The following MAPK4 variants were observed in gnomAD, a reference collection of about 807,000 sequenced individuals.
MAPK4 encodes the protein mitogen-activated protein kinase 4.
In MAPK4, 22 loss-of-function variants were observed where a neutral mutation model predicts 47.7. That is an observed-to-expected ratio of 0.46 (90% CI 0.33 to 0.66). The LOEUF is 0.66. Ranked by LOEUF, MAPK4 falls within the 30% of genes least tolerant of loss-of-function variation. The pLI is 0.02. For synonymous variants in MAPK4, 390 were observed against 365.7 expected (o/e 1.07, Z -0.76); for missense variants, 736 against 831.7 (o/e 0.88, Z 1.42).
chr18:50,564,054 T>G (rs1355305510), intron 1 of MAPK4, among the ~76,000 whole-genome samples: 1 of 152,132 alleles, frequency 6.6e-6, no homozygotes, highest in Non-Finnish European at 1.5e-5. Flanking sequence ...CCCCCTCACA[T>G]AGCCAGTCTT....
chr18:50,672,713 A>C (rs1397926899), intron 2 of MAPK4, among the ~76,000 whole-genome samples: 1 of 152,146 alleles, frequency 6.6e-6, no homozygotes, highest in Non-Finnish European at 1.5e-5. Context: ...ATCAGAAAGG[A>C]AGCCAGCCAG....
intron 1 of MAPK4, among the ~76,000 whole-genome samples, chr18:50,592,746 T>C (rs2042448592): frequency 6.6e-6 from 1 of 152,214 alleles, no homozygotes; most frequent in South Asian, 2.1e-4. Flanking sequence ...TTTAAAGAAG[T>C]TGACTTAGAA....
rs940199786 is a variant in MAPK4 at position 50,614,919 on chromosome 18, T to C, written c.-870-48170T>C. 4.6e-5 allele frequency among the ~76,000 whole-genome samples: 7 copies of C among 152,004 alleles called. No homozygotes were observed. The East Asian group carries it at 5.8e-4, about 13-fold the overall frequency. ...ACATTGCTGGTCTCTGAGGGAGGAGTTGTTGAGTCAATACTTAAGGGCTGG... is the reference window on the plus strand; with the variant it reads ...ACATTGCTGGTCTCTGAGGGAGGAGCTGTTGAGTCAATACTTAAGGGCTGG... On this transcript the variant is annotated intron_variant, in intron 1 of 5. Transcript: ENST00000400384.
At position 50,678,651 on chromosome 18, in the gene MAPK4, A is replaced by G. The variant is rs1568077125; in HGVS notation, c.546+14147A>G. Among the ~76,000 whole-genome samples the G allele has an allele frequency of 6.6e-6, 1 of 152,116 alleles. No individual in the cohort carries two copies. Among genetic ancestry groups the G allele is most frequent in the African/African-American group, 2.4e-5 (1 of 41,424 alleles). ...ACAGCTTTTTTTCCCTCCCTTTTTC[A>G]ATAATTCCCAAAAATATATAAAATG... On this transcript the variant is annotated intron_variant, in intron 2 of 5. Transcript: ENST00000400384. The surrounding 1 kb of genome is among the most constrained non-coding windows in gnomAD (Gnocchi z 4.2).
chr18:50,703,594 C>T (rs1598932110), intron 2 of MAPK4, among the ~76,000 whole-genome samples: 1 of 152,176 alleles, frequency 6.6e-6, no homozygotes, highest in South Asian at 2.1e-4. Context: ...TATGTTTCCT[C>T]TCCCAGGTAT....
chr18:50,718,448 C>T (rs1195171271), intron 3 of MAPK4, among the ~76,000 whole-genome samples: 4 of 152,088 alleles, frequency 2.6e-5, no homozygotes, highest in African/African-American at 4.8e-5. Flanking sequence ...AAACTCCTGA[C>T]CTCAAATGAT....
In MAPK4 at chr18:50,675,619, G is replaced by A. The variant is rs182972666; in HGVS notation, c.546+11115G>A. Among the ~76,000 whole-genome samples the A allele has an allele frequency of 1.1e-4, 16 of 152,326 alleles. No homozygotes were observed. In the East Asian group the frequency reaches 2.7e-3, roughly 26 times the overall value. On this transcript the variant is annotated intron_variant, in intron 2 of 5. Coordinates refer to ENST00000400384, the MANE Select transcript of MAPK4 (RefSeq NM_002747.4). ...TGATTCTCCTGCCTCAGCTTCCCAAGTAGCTGGGACTACAGGCATGCACCA... is the reference window on the plus strand; with the variant it reads ...TGATTCTCCTGCCTCAGCTTCCCAAATAGCTGGGACTACAGGCATGCACCA...
chr18:50,688,865 T>A (rs902750663), intron 2 of MAPK4, among the ~76,000 whole-genome samples: 18 of 138,758 alleles, frequency 1.3e-4, no homozygotes, highest in African/African-American at 4.1e-4. Flanking sequence ...AAATACCACC[T>A]GTTCTCCCAA....
intron 1 of MAPK4, among the ~76,000 whole-genome samples, chr18:50,620,756 T>A (rs2042724853): frequency 6.6e-6 from 1 of 151,946 alleles, no homozygotes; most frequent in African/African-American, 2.4e-5. Context: ...ATTAAAAATA[T>A]ATATATATAG....
At position 50,729,686 on chromosome 18, in the gene MAPK4, C is replaced by T. The variant is rs1239226411; in HGVS notation, c.1596C>T (p.Gly532=). 5 of 1,536,514 alleles carry T rather than the reference C, an allele frequency of 3.3e-6. No homozygotes were observed. Among genetic ancestry groups the T allele is most frequent in the East Asian group, 4.9e-5 (2 of 41,090 alleles). ...GCCGCCCGGCCCCGGTGGACGGCGGCGCCAGCCCCCAGTTCGACCTGGACG... is the reference window on the plus strand; with the variant it reads ...GCCGCCCGGCCCCGGTGGACGGCGGTGCCAGCCCCCAGTTCGACCTGGACG... ...PPGRPAPVDG[G]ASPQFDLDVF... The change falls in exon 6 of 6, where the codon GGC becomes GGT. Residue 532 remains glycine (G), a synonymous_variant. Transcript: ENST00000400384.
chr18:50,635,394 C>A (rs1332671011), intron 1 of MAPK4, among the ~76,000 whole-genome samples: 1 of 152,116 alleles, frequency 6.6e-6, no homozygotes, highest in Non-Finnish European at 1.5e-5. Context: ...TCTCTCATAT[C>A]TATGCATTCA....
At chr18:50,635,113 A>G (rs2118369) in intron 1 of MAPK4, among the ~76,000 whole-genome samples, 24,476 of 152,150 alleles carry the variant, frequency 0.16, 2,012 homozygotes, top group Non-Finnish European at 0.18. Flanking sequence ...TTATATCTCC[A>G]GGGCTTCCTA....
chr18:50,614,075 G>T (rs1461144444), intron 1 of MAPK4, among the ~76,000 whole-genome samples: 2 of 152,220 alleles, frequency 1.3e-5, no homozygotes, highest in Non-Finnish European at 2.9e-5. Flanking sequence ...AATGTTAAAG[G>T]TAATAGAATT....
intron 1 of MAPK4, among the ~76,000 whole-genome samples, chr18:50,661,288 A>G (rs2043168994): frequency 6.6e-6 from 1 of 152,186 alleles, no homozygotes; most frequent in Non-Finnish European, 1.5e-5. Flanking sequence ...GAGAGAATGG[A>G]GAGCTGTGGA....
rs188454084 is a variant in MAPK4, at chr18:50,590,516, C to T, written c.-871+30273C>T. Among the ~76,000 whole-genome samples, 1,452 of 152,314 alleles carry T rather than the reference C, an allele frequency of 9.5e-3. 24 individuals carry two copies. The highest frequency in any genetic ancestry group is 0.033 in the African/African-American group (1,391 of 41,554). ...AGAGCTGATCAGAAGGTGGACCTGT[C>T]AGTCCAGCTCACCACACCTTATACA... On this transcript the variant is annotated intron_variant, in intron 1 of 5. Transcript: ENST00000400384.
At chr18:50,586,783 G>T (rs758024612) in intron 1 of MAPK4, among the ~76,000 whole-genome samples, 4 of 152,040 alleles carry the variant, frequency 2.6e-5, no homozygotes, top group African/African-American at 4.8e-5. Flanking sequence ...ACCTCAAAAT[G>T]TTCTGAAAAC....
At chr18:50,705,747 T>G (rs1261541407) in intron 2 of MAPK4, 1 of 152,184 alleles carries the variant, frequency 6.6e-6, no homozygotes, top group Non-Finnish European at 1.5e-5. Flanking sequence ...GCCACGTGGC[T>G]CGCCCCTTGA....
intron 1 of MAPK4, among the ~76,000 whole-genome samples, chr18:50,604,855 G>A (rs1384777143): frequency 5.3e-5 from 8 of 152,344 alleles, no homozygotes; most frequent in Middle Eastern, 6.8e-3. Context: ...GATGTGATCC[G>A]GTCTGGACTC....
chr18:50,616,197 C>G (rs1049303900), intron 1 of MAPK4, among the ~76,000 whole-genome samples: 3 of 152,124 alleles, frequency 2.0e-5, no homozygotes, highest in African/African-American at 7.2e-5. Context: ...GGTGGGGCTT[C>G]TAATGCTACA....
Sources: allele counts gnomAD v4.1 joint callset (sites outside exome capture counted in the v4.1 genomes callset), GRCh38; gene constraint gnomAD v4.1.1; non-coding constraint Gnocchi (gnomAD v3.1); transcripts MANE v1.5; gene names NCBI Gene and HGNC (gene_info 2026-07-23, HGNC 2026-07-21).